The following YWHAZ variants were observed in gnomAD, a reference collection of about 807,000 sequenced individuals.
The protein encoded by YWHAZ is 14-3-3 protein zeta/delta.
For missense variants in YWHAZ, 79 were observed against 284.8 expected, an observed-to-expected ratio of 0.28 and a Z score of 5.20; for synonymous variants, 87 against 103.6, an observed-to-expected ratio of 0.84 and a Z score of 0.97.
upstream of YWHAZ, chr8:100,952,762 C>T (rs1049492150): frequency 4.0e-6 from 4 of 994,632 alleles, no homozygotes; most frequent in African/African-American, 5.3e-5. Context: ...TGCGCTGCCC[C>T]CCGCCCCGCC....
rs865954251 is a variant in YWHAZ, at chr8:100,924,642, A to G, written c.418+274T>C. Among the ~76,000 whole-genome samples the G allele has an allele frequency of 2.0e-5, 3 of 152,130 alleles. No homozygotes were observed. The highest frequency in any genetic ancestry group is 4.4e-5 in the Non-Finnish European group (3 of 68,022). ...CCACCATGCCCAGCTAATTTTCAAA[A>G]TATTTTTTGTAGAGAGAGATGTTGC... On this transcript the variant is annotated intron_variant, in intron 3 of 5. Coordinates refer to ENST00000395958, the MANE Select transcript of YWHAZ (RefSeq NM_145690.3). The surrounding 1 kb of genome is among the most constrained non-coding windows in gnomAD (Gnocchi z 5.7).
upstream of YWHAZ, chr8:100,952,223 G>A: frequency 2.2e-6 from 2 of 915,174 alleles, no homozygotes; most frequent in Non-Finnish European, 2.6e-6. Flanking sequence ...TGGAGGGCGA[G>A]CGGAGGCGCG....
At chr8:100,952,125 G>A, upstream of YWHAZ, 2 of 986,050 alleles carry the variant, frequency 2.0e-6, no homozygotes, top group Non-Finnish European at 2.4e-6. Context: ...GACGTCAAAC[G>A]CTGCTATGGC....
chr8:100,929,428 G>A (rs547557628), intron 2 of YWHAZ, among the ~76,000 whole-genome samples: 1 of 152,254 alleles, frequency 6.6e-6, no homozygotes, highest in African/African-American at 2.4e-5. Flanking sequence ...TTGAACTTCT[G>A]ACTTCAGGTG....
At chr8:100,928,549 C>G (rs188381385) in intron 2 of YWHAZ, among the ~76,000 whole-genome samples, 2 of 151,742 alleles carry the variant, frequency 1.3e-5, no homozygotes, top group Non-Finnish European at 2.9e-5. Context: ...CTGGCCAACA[C>G]GGTAAAACCT....
Position 100,920,795 on chromosome 8 carries a change from T to TTGGGGGGG in YWHAZ, c.679-44_679-43insCCCCCCCA, listed in dbSNP as rs373030011. The TTGGGGGGG allele has an allele frequency of 1.6e-4, 14 of 88,798 alleles. 2 individuals are homozygous for TTGGGGGGG. In the African/African-American group the frequency reaches 1.6e-3, roughly 10 times the overall value. 5.5% of individuals were successfully genotyped at this position (88,798 alleles called of 1,614,324 possible). On this transcript the variant is annotated intron_variant, in intron 5 of 5. Transcript: ENST00000395958. ...GATTTTTCAGCAAGTTTCAGTGGGA[T>TTGGGGGGG]GGGGGGGGGGGGGCGTTTTCATATA...
At position 100,916,685 on chromosome 8, in the gene YWHAZ, G is replaced by A. The variant is rs1228132322; in HGVS notation, c.*4008C>T. 1.3e-5 allele frequency: 2 copies of A among 152,170 alleles called. No individual in the cohort carries two copies. The highest frequency in any genetic ancestry group is 1.9e-4 in the East Asian group (1 of 5,196). The allele number at this position is 152,170 out of a possible 1,614,324, so 9.4% of individuals were successfully genotyped here. On this transcript the variant is annotated 3_prime_UTR_variant, in exon 6 of 6. Coordinates refer to ENST00000395958, the MANE Select transcript of YWHAZ (RefSeq NM_145690.3). ...AATATGATCAAATATTCACATCTCT[G>A]GTATCACCTAGGATTGGCTAACATT...
chr8:100,936,571 C>A (rs149800916), intron 2 of YWHAZ, among the ~76,000 whole-genome samples: 1 of 152,212 alleles, frequency 6.6e-6, no homozygotes, highest in East Asian at 1.9e-4. Flanking sequence ...GAGGCTAAGG[C>A]GGCCAAATCA....
chr8:100,936,096 C>T, intron 2 of YWHAZ, among the ~76,000 whole-genome samples: 1 of 152,198 alleles, frequency 6.6e-6, no homozygotes, highest in Non-Finnish European at 1.5e-5. Flanking sequence ...TACACTCAAA[C>T]CACCGTGCTA....
chr8:100,949,347 A>C (rs573494477), intron 1 of YWHAZ, among the ~76,000 whole-genome samples: 1 of 152,196 alleles, frequency 6.6e-6, no homozygotes, highest in African/African-American at 2.4e-5. Context: ...ATCATAATTC[A>C]TATCAGTTTA....
intron 2 of YWHAZ, among the ~76,000 whole-genome samples, chr8:100,947,186 G>A (rs1217217871): frequency 2.0e-5 from 3 of 150,456 alleles, no homozygotes; most frequent in Non-Finnish European, 4.4e-5. Flanking sequence ...CCCGGGAGGC[G>A]GAGCTTGCAG....
At chr8:100,927,255 G>A (rs564640067) in intron 2 of YWHAZ, among the ~76,000 whole-genome samples, 1 of 152,286 alleles carries the variant, frequency 6.6e-6, no homozygotes, top group South Asian at 2.1e-4. Context: ...GGGCACGGTG[G>A]CTCACTCCTG....
intron 2 of YWHAZ, among the ~76,000 whole-genome samples, chr8:100,943,565 C>T (rs908403758): frequency 6.6e-6 from 1 of 152,216 alleles, no homozygotes; most frequent in African/African-American, 2.4e-5. Flanking sequence ...AAGGCCTCTA[C>T]ACCTTTCCAT....
chr8:100,937,155 A>C (rs954777026), intron 2 of YWHAZ, among the ~76,000 whole-genome samples: 6 of 151,926 alleles, frequency 3.9e-5, no homozygotes, highest in African/African-American at 1.2e-4. Context: ...TATATGAAAA[A>C]CTCTTCATAT....
chr8:100,935,680 A>G (rs1814096448), intron 2 of YWHAZ, among the ~76,000 whole-genome samples: 1 of 151,654 alleles, frequency 6.6e-6, no homozygotes, highest in Non-Finnish European at 1.5e-5. Context: ...TCCTGCAGAG[A>G]GAACTGGAAG....
rs2130073667 is a variant in YWHAZ, at chr8:100,920,194, A to C, written c.*499T>G. 6.5e-6 allele frequency: 1 copy of C among 154,708 alleles called. No individual in the cohort carries two copies. Among genetic ancestry groups the C allele is most frequent in the East Asian group, 1.9e-4 (1 of 5,210 alleles). The allele number at this position is 154,708 out of a possible 1,614,324, so 9.6% of individuals were successfully genotyped here. On this transcript the variant is annotated 3_prime_UTR_variant, in exon 6 of 6. Coordinates refer to ENST00000395958, the MANE Select transcript of YWHAZ (RefSeq NM_145690.3). ...GCTGTAGTCAAAGGTGTACACATTG[A>C]GTATTCCACAGATATACATGGTTTA...
In YWHAZ at chr8:100,938,335, G is replaced by A. The variant is rs188235602; in HGVS notation, c.294+10261C>T. 5.3e-5 allele frequency among the ~76,000 whole-genome samples: 8 copies of A among 151,768 alleles called. No individual in the cohort carries two copies. The East Asian group carries it at 1.5e-3, about 29-fold the overall frequency. On this transcript the variant is annotated intron_variant, in intron 2 of 5. Coordinates refer to ENST00000395958, the MANE Select transcript of YWHAZ (RefSeq NM_145690.3). The stretch of plus-strand genomic sequence containing the variant: ...ACCTCATGTAAATAGCTGAACCCCT[G>A]AGCTGCAGTGTCTTGATCTGTTAAA...
chr8:100,924,055 G>A lies in YWHAZ; in HGVS notation c.583-5C>T, dbSNP rs41507849. The A allele has an allele frequency of 0.076, 122,902 of 1,608,646 alleles. 5,481 individuals are homozygous for A. Among genetic ancestry groups the A allele is most frequent in the Non-Finnish European group, 0.083 (97,899 of 1,178,532 alleles). ...AGCAATGGCTTCATCAAAAGCCTAC[G>A]ATTTAAAAATAGTACATTACATTTC... On this transcript the variant is annotated splice_region_variant and splice_polypyrimidine_tract_variant and intron_variant, in intron 4 of 5. Coordinates refer to ENST00000395958, the MANE Select transcript of YWHAZ (RefSeq NM_145690.3). The surrounding 1 kb of genome is among the most constrained non-coding windows in gnomAD (Gnocchi z 5.7).
At chr8:100,934,935 G>A (rs1304467762) in intron 2 of YWHAZ, 1 of 151,860 alleles carries the variant, frequency 6.6e-6, no homozygotes, top group Non-Finnish European at 1.5e-5. Context: ...TAAATTCTTA[G>A]GAGCAAGTAC....
Sources: gnomAD v4.1 joint callset for allele counts (sites outside exome capture counted in the v4.1 genomes callset) on GRCh38, gnomAD v4.1.1 for gene constraint, Gnocchi (gnomAD v3.1) non-coding constraint, MANE v1.5 for transcripts, NCBI Gene and HGNC (gene_info 2026-07-23, HGNC 2026-07-21) for gene names.